GLMN: variants seen among roughly 807,000 people sequenced by gnomAD.
GLMN encodes glomulin.
GLMN carries 75 observed loss-of-function variants against 87.8 expected under a neutral mutation model. That is an observed-to-expected ratio of 0.85 (90% CI 0.71 to 1.04). The LOEUF (loss-of-function observed/expected upper bound fraction) is 1.04. GLMN is among the 50% of genes least tolerant of loss of function. The pLI, the probability that GLMN is intolerant of heterozygous loss-of-function variation, is 0.00. For missense variants in GLMN, 588 were observed against 658.8 expected (o/e 0.89, Z 1.18); for synonymous variants, 206 against 221.6 (o/e 0.93, Z 0.63).
intron 16 of GLMN, among the ~76,000 whole-genome samples, chr1:92,256,519 A>G (rs572452325): frequency 4.6e-5 from 7 of 152,366 alleles, no homozygotes; most frequent in Admixed American, 3.3e-4. Context: ...AATACTGGCA[A>G]ACCAAATATA....
chr1:92,313,504 C>T, the GLMN span, among the ~76,000 whole-genome samples: 2 of 150,426 alleles, frequency 1.3e-5, no homozygotes, highest in Admixed American at 6.6e-5. Flanking sequence ...GTAAGCCATG[C>T]TGTAAACAGA....
At chr1:92,250,476 A>G (rs1653321357) in intron 16 of GLMN, among the ~76,000 whole-genome samples, 1 of 152,168 alleles carries the variant, frequency 6.6e-6, no homozygotes, top group Non-Finnish European at 1.5e-5. Context: ...TAGTATTTCA[A>G]AATAATGCAG....
At chr1:92,269,851 G>T (rs181616577) in intron 8 of GLMN, 75 bp from the exon 9 acceptor site, 351 of 974,646 alleles carry the variant, frequency 3.6e-4, no homozygotes, top group Admixed American at 6.3e-4. Flanking sequence ...TATTGTTATG[G>T]GTTGAATTGT....
chr1:92,322,201 C>A, the GLMN span, among the ~76,000 whole-genome samples: 1 of 151,652 alleles, frequency 6.6e-6, no homozygotes, highest in Non-Finnish European at 1.5e-5. Flanking sequence ...CTGCCTTGGC[C>A]TCCCAAGGTG....
upstream of GLMN, among the ~76,000 whole-genome samples, chr1:92,301,241 T>C (rs1402457881): frequency 7.2e-5 from 11 of 152,212 alleles, no homozygotes; most frequent in Admixed American, 3.3e-4. Flanking sequence ...CCCAGCACTT[T>C]GGGAGGCTGA....
chr1:92,333,297 C>A, the GLMN span: 6 of 980,456 alleles, frequency 6.1e-6, no homozygotes, highest in Non-Finnish European at 9.6e-6. Flanking sequence ...GCCACAGATA[C>A]AAACTTTTGT....
At chr1:92,348,564 T>G in the GLMN span, among the ~76,000 whole-genome samples, 1 of 152,218 alleles carries the variant, frequency 6.6e-6, no homozygotes, top group South Asian at 2.1e-4. Context: ...CTTCTAAGAC[T>G]TCTGTCTCCT....
chr1:92,270,090 C>T (rs1386941762), intron 8 of GLMN, among the ~76,000 whole-genome samples: 1 of 152,148 alleles, frequency 6.6e-6, no homozygotes, highest in East Asian at 1.9e-4. Flanking sequence ...AATGCATCTA[C>T]AAGCCAAAGA....
chr1:92,307,074 T>C, the GLMN span: 1 of 697,464 alleles, frequency 1.4e-6, no homozygotes, highest in Non-Finnish European at 2.3e-6. Flanking sequence ...GGGTGGTAGA[T>C]CTGTAGGTTT....
chr1:92,256,414 T>A (rs932475090), intron 16 of GLMN, among the ~76,000 whole-genome samples: 1 of 152,158 alleles, frequency 6.6e-6, no homozygotes, highest in Non-Finnish European at 1.5e-5. Flanking sequence ...GAGGCCAGCA[T>A]CATCCTGATA....
the GLMN span, chr1:92,303,993 C>T: frequency 6.2e-7 from 1 of 1,609,274 alleles, no homozygotes; most frequent in Admixed American, 1.7e-5. Flanking sequence ...TTCATTACAC[C>T]TGCTCACTAC....
At chr1:92,320,584 G>A in the GLMN span, 1 of 1,609,346 alleles carries the variant, frequency 6.2e-7, no homozygotes, top group Non-Finnish European at 8.5e-7. Flanking sequence ...TTTTATTTCT[G>A]TGTTCTTATT....
intron 16 of GLMN, among the ~76,000 whole-genome samples, chr1:92,261,823 G>T (rs1028956313): frequency 1.3e-3 from 67 of 49,712 alleles, no homozygotes; most frequent in African/African-American, 4.9e-3. Context: ...ATAGACTGAC[G>T]GAGTGATAGA....
the GLMN span, chr1:92,333,198 A>G: frequency 5.1e-5 from 27 of 529,666 alleles, 2 homozygotes; most frequent in South Asian, 6.9e-4. Flanking sequence ...AAAGAGGGCA[A>G]ATGACTCAAA....
the GLMN span, among the ~76,000 whole-genome samples, chr1:92,335,129 G>A: frequency 2.0e-5 from 3 of 151,080 alleles, no homozygotes; most frequent in East Asian, 1.9e-4. Flanking sequence ...TCTCCATAGT[G>A]GGTGTACTAA....
rs770117478 is a variant in GLMN at position 92,288,927 on chromosome 1, C to A, written c.619G>T (p.Glu207Ter). Residue 207 changes from glutamate (E) to a stop codon, truncating the protein, a stop_gained, in exon 6 of 19, where the codon GAA (glutamate) becomes TAA (stop). Transcript: ENST00000370360. LOFTEE classifies it high-confidence loss of function. ...NSLENEKLKDELLKFCFKSLK... is the reference protein window; with the variant it reads ...NSLENEKLKD The stretch of plus-strand genomic sequence containing the variant: ...AATTATACTTACAATTTCAGTAATT[C>A]ATCCTTTAACTTTTCATTTTCCAGT... 3 of 1,527,872 alleles carry A rather than the reference C, an allele frequency of 2.0e-6. No homozygotes were observed. The highest frequency in any genetic ancestry group is 2.7e-6 in the Non-Finnish European group (3 of 1,101,992). The allele number at this position is 1,527,872 out of a possible 1,614,324, so 94.6% of individuals were successfully genotyped here.
chr1:92,320,828 G>T, the GLMN span, among the ~76,000 whole-genome samples: 25 of 152,162 alleles, frequency 1.6e-4, no homozygotes, highest in Non-Finnish European at 3.2e-4. Context: ...TGTTTGATCT[G>T]TATGATTTAT....
chr1:92,353,774 C>T, the GLMN span, among the ~76,000 whole-genome samples: 1 of 152,092 alleles, frequency 6.6e-6, no homozygotes, highest in Non-Finnish European at 1.5e-5. Context: ...ATACTTATTG[C>T]TGAGAGTTTA....
At chr1:92,279,174 G>A (rs930220622) in intron 7 of GLMN, among the ~76,000 whole-genome samples, 10 of 152,176 alleles carry the variant, frequency 6.6e-5, no homozygotes, top group Admixed American at 1.3e-4. Context: ...ATCACCTTGC[G>A]GCTGGGCACA....
Sources: gnomAD v4.1 joint callset for allele counts (sites outside exome capture counted in the v4.1 genomes callset) on GRCh38, gnomAD v4.1.1 for gene constraint, MANE v1.5 for transcripts, NCBI Gene and HGNC (gene_info 2026-07-23, HGNC 2026-07-21) for gene names.